Variants in PRKCH observed in about 807,000 individuals in gnomAD.
PRKCH encodes the protein protein kinase C eta, also known as protein kinase C eta type.
A neutral mutation model predicts 82.5 loss-of-function variants in PRKCH; 28 were observed. The observed-to-expected ratio is 0.34, with a 90% CI of 0.25 to 0.47. PRKCH has a LOEUF of 0.47. Ranked by LOEUF, PRKCH falls within the 20% of genes least tolerant of loss-of-function variation. The pLI, the probability that PRKCH is intolerant of heterozygous loss-of-function variation, is 1.00. For synonymous variants in PRKCH, 322 were observed against 327.4 expected, an observed-to-expected ratio of 0.98 and a Z score of 0.18; for missense variants, 705 against 881.8, an observed-to-expected ratio of 0.80 and a Z score of 2.54.
intron 1 of PRKCH, among the ~76,000 whole-genome samples, chr14:61,265,380 C>T (rs2140082558): frequency 6.6e-6 from 1 of 152,276 alleles, no homozygotes; most frequent in Admixed American, 6.5e-5. Context: ...ACTTGGGAGG[C>T]TGTGGTGGGA....
chr14:61,412,188 C>G (rs1882301621), intron 2 of PRKCH, among the ~76,000 whole-genome samples: 1 of 152,060 alleles, frequency 6.6e-6, no homozygotes, highest in African/African-American at 2.4e-5. Context: ...AAAGTACAAC[C>G]CATAATGGGA....
At chr14:61,332,107 A>G (rs12101174) in intron 1 of PRKCH, among the ~76,000 whole-genome samples, 13,653 of 152,316 alleles carry the variant, frequency 0.09, 673 homozygotes, top group East Asian at 0.16. Flanking sequence ...GCTAGAAGCC[A>G]TTCTCACTAG....
upstream of PRKCH, among the ~76,000 whole-genome samples, chr14:61,321,465 G>C (rs1273606696): frequency 6.6e-6 from 1 of 152,208 alleles, no homozygotes; most frequent in Non-Finnish European, 1.5e-5. This position sits in a 1 kb window ranked among gnomAD's most constrained non-coding sequence, Gnocchi z 4.1. Context: ...CGGCGCAAGC[G>C]GGCACTGGCC....
chr14:61,189,193 G>A (rs966040202), intron 1 of PRKCH, among the ~76,000 whole-genome samples: 1 of 152,326 alleles, frequency 6.6e-6, no homozygotes, highest in Non-Finnish European at 1.5e-5. Context: ...TCCCTACAGG[G>A]GGAAGCCCGC....
chr14:61,528,966 G>GT, intron 10 of PRKCH, 109 bp from the exon 11 acceptor site: 1 of 1,076,254 alleles, frequency 9.3e-7, no homozygotes, highest in Non-Finnish European at 1.3e-6. Flanking sequence ...GGCCGCATGT[G>GT]GCCGCACGTG....
chr14:61,236,125 T>G (rs2044785765), intron 1 of PRKCH, among the ~76,000 whole-genome samples: 1 of 152,150 alleles, frequency 6.6e-6, no homozygotes, highest in Non-Finnish European at 1.5e-5. Flanking sequence ...CTCCCAGCAC[T>G]TTGGAAGGCC....
chr14:61,363,984 A>ATGTG (rs35878795), intron 1 of PRKCH, among the ~76,000 whole-genome samples: 12 of 145,358 alleles, frequency 8.3e-5, no homozygotes, highest in African/African-American at 2.8e-4. Context: ...GTGTGTGTAT[A>ATGTG]TGTGTGTGTG....
intron 1 of PRKCH, among the ~76,000 whole-genome samples, chr14:61,323,376 A>G (rs1156969044): frequency 2.6e-5 from 4 of 152,212 alleles, no homozygotes; most frequent in African/African-American, 9.7e-5. Context: ...TGCAGGTGTC[A>G]TCGTTCCCAC....
chr14:61,223,395 A>G (rs2044670413), intron 1 of PRKCH, among the ~76,000 whole-genome samples: 1 of 152,150 alleles, frequency 6.6e-6, no homozygotes, highest in African/African-American at 2.4e-5. Flanking sequence ...CCCTATAATC[A>G]AGTTCTTTAG....
Position 61,547,428 on chromosome 14 carries a change from A to G in PRKCH, c.1762-315A>G, listed in dbSNP as rs137940556. On this transcript the variant is annotated intron_variant, in intron 12 of 13. Coordinates refer to ENST00000332981, the MANE Select transcript of PRKCH (RefSeq NM_006255.5). The stretch of plus-strand genomic sequence containing the variant: ...CAGTGTTGGGGAAAGGCACACTGTT[A>G]TAAAGAGCTTCTTTTCTTTAAAGAG... Among the ~76,000 whole-genome samples the G allele has an allele frequency of 3.0e-3, 452 of 152,324 alleles. 2 individuals carry two copies. The highest frequency in any genetic ancestry group is 4.0e-3 in the Non-Finnish European group (269 of 68,016).
intron 1 of PRKCH, among the ~76,000 whole-genome samples, chr14:61,387,649 T>A (rs2046608702): frequency 6.6e-6 from 1 of 152,146 alleles, no homozygotes; most frequent in Admixed American, 6.5e-5. Flanking sequence ...CCATCAGCAG[T>A]GTATAGAAGG....
At position 61,280,807 on chromosome 14, in the gene PRKCH, A is replaced by G. The variant is rs992363674; in HGVS notation, c.-19+93139A>G. ...CCGGTTGTTCTGGTAGAAGTTGGTC[A>G]GCTCGTAGTAGAGGTACACTGGGCC... On this transcript the variant is annotated intron_variant, in intron 1 of 3. Transcript: ENST00000555185. The surrounding 1 kb of genome is among the most constrained non-coding windows in gnomAD (Gnocchi z 5.0). 2.6e-6 allele frequency: 4 copies of G among 1,560,866 alleles called. No homozygotes were observed. Among genetic ancestry groups the G allele is most frequent in the Non-Finnish European group, 3.4e-6 (4 of 1,162,664 alleles).
intron 1 of PRKCH, among the ~76,000 whole-genome samples, chr14:61,287,368 G>A (rs974804258): frequency 1.3e-4 from 20 of 152,002 alleles, no homozygotes; most frequent in Non-Finnish European, 2.2e-4. Flanking sequence ...AATTGAGACA[G>A]AGGGGAAGGA....
At chr14:61,439,640 G>A (rs542820244) in intron 2 of PRKCH, among the ~76,000 whole-genome samples, 4 of 147,078 alleles carry the variant, frequency 2.7e-5, no homozygotes, top group African/African-American at 5.4e-5. Flanking sequence ...GCATGTCACC[G>A]GTGCACTCCC....
intron 10 of PRKCH, among the ~76,000 whole-genome samples, chr14:61,511,627 A>G (rs1887379410): frequency 6.6e-6 from 1 of 152,228 alleles, no homozygotes; most frequent in African/African-American, 2.4e-5. Context: ...AGCCTCCCCG[A>G]TGTGTGCCAA....
intron 11 of PRKCH, among the ~76,000 whole-genome samples, chr14:61,529,986 C>G (rs1189788550): frequency 6.6e-6 from 1 of 152,220 alleles, no homozygotes; most frequent in Non-Finnish European, 1.5e-5. Flanking sequence ...GTACGCCATT[C>G]ATGGCTATTT....
rs546811982 is a variant in PRKCH at position 61,474,072 on chromosome 14, G to A, written c.1279-11430G>A. 4.6e-4 allele frequency among the ~76,000 whole-genome samples: 70 copies of A among 152,228 alleles called. 1 individual carries two copies. Among genetic ancestry groups the A allele is most frequent in the Non-Finnish European group, 7.4e-4 (50 of 68,016 alleles). On this transcript the variant is annotated intron_variant, in intron 9 of 13. Transcript: ENST00000332981. ...AGGAGACTTGAAGAAGGAATTCTAAGTAAGGGTTAAGGTTGAGTGGAAAAA... is the reference window on the plus strand; with the variant it reads ...AGGAGACTTGAAGAAGGAATTCTAAATAAGGGTTAAGGTTGAGTGGAAAAA...
At chr14:61,208,632 A>G (rs544000892) in intron 1 of PRKCH, among the ~76,000 whole-genome samples, 3 of 152,208 alleles carry the variant, frequency 2.0e-5, no homozygotes, top group Non-Finnish European at 4.4e-5. Context: ...AGTCCTGAAG[A>G]GCGCGTCTTT....
intron 2 of PRKCH, among the ~76,000 whole-genome samples, chr14:61,428,103 A>T (rs966518990): frequency 1.1e-5 from 1 of 90,394 alleles, no homozygotes; most frequent in Non-Finnish European, 2.4e-5. Flanking sequence ...ACACATATAT[A>T]TATACACACA....
Sources: gnomAD v4.1 joint callset for allele counts (sites outside exome capture counted in the v4.1 genomes callset) on GRCh38, gnomAD v4.1.1 for gene constraint, Gnocchi (gnomAD v3.1) non-coding constraint, MANE v1.5 for transcripts, NCBI Gene and HGNC (gene_info 2026-07-23, HGNC 2026-07-21) for gene names.